The following MYO6 variants were observed in gnomAD, a reference collection of about 807,000 sequenced individuals.
MYO6 encodes myosin VI.
MYO6 carries 74 observed loss-of-function variants against 178.7 expected under a neutral mutation model. The observed-to-expected ratio is 0.41, with a 90% confidence interval of 0.34 to 0.50. The LOEUF (loss-of-function observed/expected upper bound fraction) is 0.50. Among genes scored for constraint, MYO6 ranks in the 20% least tolerant of loss-of-function variants. The probability of loss-of-function intolerance (pLI) is 0.09; values close to 1 mark genes in which losing one functional copy is unlikely to be tolerated. For missense variants in MYO6, 1,330 were observed against 1,547.4 expected (o/e 0.86, Z 2.36); for synonymous variants, 477 against 504.6 (o/e 0.95, Z 0.73).
Position 75,872,482 on chromosome 6 carries a change from A to G in MYO6, c.1984-725A>G, listed in dbSNP as rs181030056. Among the ~76,000 whole-genome samples, 615 of 152,266 alleles carry G rather than the reference A, an allele frequency of 4.0e-3. 6 individuals carry two copies. The highest frequency in any genetic ancestry group is 0.014 in the African/African-American group (589 of 41,552). On this transcript the variant is annotated intron_variant, in intron 19 of 34. Transcript: ENST00000369977. Reference sequence around the variant, plus strand: ...TTTGTTTTCTTTTACACTTTGGCCTAAGTCTTAAGGGGCATAATTTTATTT... The same window carrying G: ...TTTGTTTTCTTTTACACTTTGGCCTGAGTCTTAAGGGGCATAATTTTATTT...
intron 20 of MYO6, among the ~76,000 whole-genome samples, chr6:75,878,346 G>C (rs979765269): frequency 1.3e-5 from 2 of 152,008 alleles, no homozygotes; most frequent in Non-Finnish European, 2.9e-5. Context: ...GTGACCCAGA[G>C]GACATCTGGA....
intron 3 of MYO6, among the ~76,000 whole-genome samples, chr6:75,825,669 T>C (rs1772393123): frequency 6.6e-6 from 1 of 152,224 alleles, no homozygotes; most frequent in Non-Finnish European, 1.5e-5. Context: ...GAATGACTTC[T>C]ACAACAACAT....
intron 1 of MYO6, among the ~76,000 whole-genome samples, chr6:75,803,464 A>G (rs997704286): frequency 1.3e-5 from 2 of 152,206 alleles, no homozygotes; most frequent in African/African-American, 4.8e-5. Context: ...GACCAGGGCC[A>G]TAATCAACTA....
intron 1 of MYO6, among the ~76,000 whole-genome samples, chr6:75,804,326 C>G (rs963408779): frequency 2.0e-5 from 3 of 152,204 alleles, no homozygotes; most frequent in African/African-American, 7.2e-5. Flanking sequence ...CTCACAGTAT[C>G]TGGATACCAG....
chr6:75,885,586 A>C (rs1778366484), intron 23 of MYO6, among the ~76,000 whole-genome samples: 1 of 152,108 alleles, frequency 6.6e-6, no homozygotes, highest in African/African-American at 2.4e-5. Flanking sequence ...AGCTGGGATT[A>C]CAGGCGCCCG....
intron 16 of MYO6, 103 bp downstream of exon 16, chr6:75,862,826 G>A (rs1398581453): frequency 7.5e-7 from 1 of 1,325,012 alleles, no homozygotes. Flanking sequence ...TAAAAATTAT[G>A]GCGTGTATAG....
chr6:75,854,608 C>A (rs767028541), intron 11 of MYO6, among the ~76,000 whole-genome samples: 1 of 152,034 alleles, frequency 6.6e-6, no homozygotes, highest in Non-Finnish European at 1.5e-5. Context: ...GATACTCAGC[C>A]TGTACAGGTA....
chr6:75,831,451 G>C (rs924498674), intron 5 of MYO6, among the ~76,000 whole-genome samples: 2 of 152,182 alleles, frequency 1.3e-5, no homozygotes, highest in African/African-American at 4.8e-5. Flanking sequence ...GACAGGCATC[G>C]TTGTGTTGCA....
intron 1 of MYO6, among the ~76,000 whole-genome samples, chr6:75,811,254 A>G (rs1000138841): frequency 6.6e-6 from 1 of 151,896 alleles, no homozygotes; most frequent in African/African-American, 2.4e-5. Flanking sequence ...CCTTGTACTG[A>G]ATTTCTTGTA....
intron 32 of MYO6, 91 bp from the exon 33 acceptor site, chr6:75,911,581 C>T (rs1303941886): frequency 1.8e-6 from 2 of 1,134,362 alleles, no homozygotes; most frequent in Non-Finnish European, 1.3e-6. Context: ...CAGTCACCAC[C>T]TCGATTGGAA....
intron 29 of MYO6, 61 bp from the exon 30 acceptor site, chr6:75,898,312 T>C: frequency 1.8e-6 from 2 of 1,088,436 alleles, no homozygotes; most frequent in Non-Finnish European, 2.8e-6. Context: ...TTTAGATCTT[T>C]TAATTAATTT....
chr6:75,854,498 T>C (rs1775569660), intron 11 of MYO6, among the ~76,000 whole-genome samples: 1 of 151,970 alleles, frequency 6.6e-6, no homozygotes. Flanking sequence ...TAAATGAATT[T>C]TGTGTTTCGA....
intron 20 of MYO6, among the ~76,000 whole-genome samples, chr6:75,879,347 T>A (rs571273818): frequency 6.6e-6 from 1 of 152,148 alleles, no homozygotes; most frequent in South Asian, 2.1e-4. Flanking sequence ...TTGGCTCAGA[T>A]GATCCTCCTG....
chr6:75,874,152 G>T (rs1165066506), intron 20 of MYO6, among the ~76,000 whole-genome samples: 1 of 152,068 alleles, frequency 6.6e-6, no homozygotes, highest in Non-Finnish European at 1.5e-5. Context: ...CCCTTCCAAA[G>T]CCCTGCATGT....
intron 16 of MYO6, among the ~76,000 whole-genome samples, chr6:75,863,515 C>T (rs559165799): frequency 2.6e-5 from 4 of 151,560 alleles, no homozygotes; most frequent in Admixed American, 1.3e-4. Context: ...GACAGAGTTT[C>T]GCTATTGTCA....
Position 75,784,368 on chromosome 6 carries a change from T to C in MYO6, c.-47-33133T>C, listed in dbSNP as rs533141468. 5.3e-5 allele frequency among the ~76,000 whole-genome samples: 8 copies of C among 150,870 alleles called. No individual in the cohort carries two copies. The South Asian group carries it at 1.7e-3, about 32-fold the overall frequency. On this transcript the variant is annotated intron_variant, in intron 1 of 34. Transcript: ENST00000369977. ...GGGAAGTTTGAAAAAAAAAATAGGA[T>C]TGGACACAGAGAATGGAAGTGAAGT...
intron 32 of MYO6, among the ~76,000 whole-genome samples, chr6:75,909,504 C>G (rs1780599014): frequency 6.6e-6 from 1 of 152,116 alleles, no homozygotes; most frequent in South Asian, 2.1e-4. Flanking sequence ...GGATCCTGAA[C>G]ATGGATTTTG....
At chr6:75,866,764 C>G in intron 17 of MYO6, 143 bp downstream of exon 17, 1 of 1,052,458 alleles carries the variant, frequency 9.5e-7, no homozygotes, top group South Asian at 1.3e-5. Context: ...CCTCAGTACA[C>G]TAGCCACACT....
At chr6:75,908,412 T>G in intron 31 of MYO6, 84 bp from the exon 32 acceptor site, 1 of 1,362,770 alleles carries the variant, frequency 7.3e-7, no homozygotes, top group Non-Finnish European at 1.0e-6. Flanking sequence ...AAAAATCTCC[T>G]TATGCGACAG....
Sources: allele counts gnomAD v4.1 joint callset (sites outside exome capture counted in the v4.1 genomes callset), GRCh38; gene constraint gnomAD v4.1.1; transcripts MANE v1.5; gene names NCBI Gene and HGNC (gene_info 2026-07-23, HGNC 2026-07-21).